TNKS: variants seen among roughly 807,000 people sequenced by gnomAD.
The protein encoded by TNKS is poly [ADP-ribose] polymerase tankyrase-1.
In TNKS, 72 loss-of-function variants were observed where a neutral mutation model predicts 135.8. That is an observed-to-expected ratio of 0.53 (90% CI 0.44 to 0.64). The LOEUF (loss-of-function observed/expected upper bound fraction) is 0.64, where lower values mean the gene tolerates loss of function less well. Ranked by LOEUF, TNKS falls within the 30% of genes least tolerant of loss-of-function variation. The pLI is 0.00. For synonymous variants in TNKS, 849 were observed against 649.3 expected (o/e 1.31, Z -4.68); for missense variants, 1,769 against 1,674.0 (o/e 1.06, Z -0.99).
At chr8:9,665,262 A>T (rs1801933633) in intron 3 of TNKS, among the ~76,000 whole-genome samples, 1 of 152,206 alleles carries the variant, frequency 6.6e-6, no homozygotes, top group South Asian at 2.1e-4. Context: ...GTCAGTTTTT[A>T]GTCTTTCTTC....
intron 17 of TNKS, among the ~76,000 whole-genome samples, chr8:9,743,276 C>T (rs1245939209): frequency 2.6e-5 from 4 of 152,094 alleles, no homozygotes; most frequent in Non-Finnish European, 5.9e-5. Context: ...TTATCTCTTT[C>T]CCATTTTCAG....
chr8:9,664,597 A>G (rs1722348833), intron 3 of TNKS, among the ~76,000 whole-genome samples: 1 of 152,222 alleles, frequency 6.6e-6, no homozygotes, highest in Non-Finnish European at 1.5e-5. Flanking sequence ...GCTATGTGCC[A>G]GGAAAGGAAG....
In TNKS at chr8:9,720,451, C is replaced by T. The variant is rs763474536; in HGVS notation, c.1827C>T (p.Leu609=). 3 of 1,614,060 alleles carry T rather than the reference C, an allele frequency of 1.9e-6. No homozygotes were observed. The highest frequency in any genetic ancestry group is 2.7e-5 in the African/African-American group (2 of 74,936). The part of the protein sequence containing the change: ...ALAGHLQTCR[L]LLSYGSDPSI... Reference sequence around the variant, plus strand: ...CAGGTCACCTGCAGACCTGCCGCCTCCTGCTGAGTTACGGCTCTGACCCCT... The same window carrying T: ...CAGGTCACCTGCAGACCTGCCGCCTTCTGCTGAGTTACGGCTCTGACCCCT... Residue 609 remains leucine (L), a synonymous_variant, in exon 12 of 27, where the codon CTC becomes CTT. Coordinates refer to ENST00000310430, the MANE Select transcript of TNKS (RefSeq NM_003747.3).
intron 5 of TNKS, among the ~76,000 whole-genome samples, chr8:9,702,420 A>T (rs1803848112): frequency 1.3e-5 from 2 of 152,220 alleles, no homozygotes; most frequent in African/African-American, 4.8e-5. Context: ...TAGCGTATCC[A>T]CAGGGGAAAA....
chr8:9,626,747 C>T (rs1488682521), intron 3 of TNKS, among the ~76,000 whole-genome samples: 1 of 152,114 alleles, frequency 6.6e-6, no homozygotes, highest in Non-Finnish European at 1.5e-5. Flanking sequence ...ACTTTTGACA[C>T]CCATGAGGGA....
intron 3 of TNKS, among the ~76,000 whole-genome samples, chr8:9,627,887 C>T (rs971948424): frequency 6.6e-6 from 1 of 151,942 alleles, no homozygotes; most frequent in African/African-American, 2.4e-5. Context: ...TTTCATATTT[C>T]ATTGAAAAAA....
chr8:9,586,453 C>T (rs996622129), intron 2 of TNKS, among the ~76,000 whole-genome samples: 1 of 151,880 alleles, frequency 6.6e-6, no homozygotes, highest in Non-Finnish European at 1.5e-5. Context: ...TTCAGGGACT[C>T]CTTGTTATAA....
In TNKS at chr8:9,582,471, C is replaced by G. The variant is rs187771956; in HGVS notation, c.898+2088C>G. Among the ~76,000 whole-genome samples the G allele has an allele frequency of 3.9e-3, 599 of 152,244 alleles. 6 individuals are homozygous for G. Among genetic ancestry groups the G allele is most frequent in the African/African-American group, 0.013 (553 of 41,538 alleles). On this transcript the variant is annotated intron_variant, in intron 2 of 26. Transcript: ENST00000310430. ...TATCTCTATATGTGGGGTAGAATAG[C>G]AAATACATTTGATATTTTTGAAAAG...
chr8:9,684,801 T>TGGTG (rs1585325113), intron 5 of TNKS, among the ~76,000 whole-genome samples: 1 of 152,142 alleles, frequency 6.6e-6, no homozygotes, highest in East Asian at 1.9e-4. Flanking sequence ...GGGAGATAAC[T>TGGTG]ATATGGTTGA....
chr8:9,677,407 G>C (rs1057359212), intron 3 of TNKS, among the ~76,000 whole-genome samples: 4 of 152,136 alleles, frequency 2.6e-5, no homozygotes, highest in Admixed American at 6.5e-5. Context: ...TTCAGGTAGG[G>C]AGAGACTGAT....
At chr8:9,743,563 A>C (rs759863681) in intron 17 of TNKS, 3 of 152,204 alleles carry the variant, frequency 2.0e-5, no homozygotes, top group Non-Finnish European at 4.4e-5. Flanking sequence ...AGGCATTATA[A>C]AAATGCAAGG....
At chr8:9,719,731 C>T (rs1216131797) in intron 11 of TNKS, among the ~76,000 whole-genome samples, 1 of 152,076 alleles carries the variant, frequency 6.6e-6, no homozygotes, top group Non-Finnish European at 1.5e-5. Context: ...CAGGTTTGAC[C>T]AGATTAAGAA....
chr8:9,639,408 G>C (rs991931033), intron 3 of TNKS, among the ~76,000 whole-genome samples: 2 of 151,672 alleles, frequency 1.3e-5, no homozygotes, highest in Admixed American at 1.3e-4. Context: ...TTCTCTGTGG[G>C]CTAAAAAATG....
intron 1 of TNKS, chr8:9,566,368 C>G (rs1292252785): frequency 6.6e-6 from 1 of 152,076 alleles, no homozygotes; most frequent in East Asian, 1.9e-4. Flanking sequence ...CCAAAATACA[C>G]AGACTTAACA....
chr8:9,684,056 C>A (rs1454972789), intron 5 of TNKS, among the ~76,000 whole-genome samples: 1 of 151,584 alleles, frequency 6.6e-6, no homozygotes, highest in Admixed American at 6.6e-5. Flanking sequence ...ATAATGATGA[C>A]CACTTTTAGA....
intron 5 of TNKS, among the ~76,000 whole-genome samples, chr8:9,696,535 C>G (rs1803522496): frequency 1.3e-5 from 2 of 151,982 alleles, no homozygotes; most frequent in Non-Finnish European, 2.9e-5. Context: ...TGATTTTATT[C>G]TAAGTATAAA....
intron 11 of TNKS, 113 bp from the exon 12 acceptor site, chr8:9,720,261 C>G (rs1292624044): frequency 1.9e-6 from 2 of 1,052,152 alleles, no homozygotes; most frequent in East Asian, 2.9e-5. Flanking sequence ...ATCTATGAGA[C>G]TTTTTAAAAG....
At chr8:9,625,751 C>G (rs1035052810) in intron 3 of TNKS, among the ~76,000 whole-genome samples, 2 of 152,106 alleles carry the variant, frequency 1.3e-5, no homozygotes, top group Non-Finnish European at 2.9e-5. Context: ...GAACAATACT[C>G]TGTATGATTT....
intron 11 of TNKS, among the ~76,000 whole-genome samples, chr8:9,712,230 A>G (rs1804371044): frequency 6.6e-6 from 1 of 152,244 alleles, no homozygotes; most frequent in Non-Finnish European, 1.5e-5. Context: ...CTGTAATCCC[A>G]GAGCTTTAGG....
Sources: allele counts gnomAD v4.1 joint callset (sites outside exome capture counted in the v4.1 genomes callset), GRCh38; gene constraint gnomAD v4.1.1; transcripts MANE v1.5; gene names NCBI Gene and HGNC (gene_info 2026-07-23, HGNC 2026-07-21).